The following CD38 variants were observed in gnomAD, a reference collection of about 807,000 sequenced individuals.
CD38 encodes the protein ADP-ribosyl cyclase/cyclic ADP-ribose hydrolase 1.
CD38 carries 31 observed loss-of-function variants against 36.3 expected under a neutral mutation model. The observed-to-expected ratio is 0.85, with a 90% CI of 0.64 to 1.15. The LOEUF (loss-of-function observed/expected upper bound fraction) is 1.15, where lower values mean the gene tolerates loss of function less well. Among genes scored for constraint, CD38 ranks in the 50% most tolerant of loss-of-function variants. The probability of loss-of-function intolerance (pLI) is 0.00; values close to 1 mark genes in which losing one functional copy is unlikely to be tolerated. For missense variants in CD38, 380 were observed against 371.9 expected, an observed-to-expected ratio of 1.02 and a Z score of -0.18; for synonymous variants, 131 against 135.2, an observed-to-expected ratio of 0.97 and a Z score of 0.22.
chr4:15,826,167 T>C (rs778563371), intron 3 of CD38: 1 of 152,008 alleles, frequency 6.6e-6, no homozygotes, highest in Non-Finnish European at 1.5e-5. Context: ...AAAAAGCAAA[T>C]GTCACTCTGA....
chr4:15,840,175 T>C, intron 6 of CD38, 57 bp downstream of exon 6: 1 of 1,266,618 alleles, frequency 7.9e-7, no homozygotes. Flanking sequence ...CACAAAAGAA[T>C]CCACAGTCAC....
chr4:15,780,511 C>A (rs1373009927), intron 1 of CD38, among the ~76,000 whole-genome samples: 1 of 122,102 alleles, frequency 8.2e-6, no homozygotes. Flanking sequence ...AGATAATATT[C>A]TCTCTCTCAC....
chr4:15,785,208 T>C (rs3796877), intron 1 of CD38, among the ~76,000 whole-genome samples: 3 of 151,698 alleles, frequency 2.0e-5, no homozygotes, highest in East Asian at 1.9e-4. Flanking sequence ...AAGGGTAGAG[T>C]GGAGTACTTA....
Position 15,839,499 on chromosome 4 carries a change from C to G in CD38, c.660-527C>G, listed in dbSNP as rs190583997. ...AGTGCAGTGACACGGTCTCCGCTCA[C>G]TGCAAGCTCAGCCTCCCAGGTTCAC... On this transcript the variant is annotated intron_variant, in intron 5 of 7. Transcript: ENST00000226279. Among the ~76,000 whole-genome samples, 310 of 146,868 alleles carry G rather than the reference C, an allele frequency of 2.1e-3. 3 individuals carry two copies. Among genetic ancestry groups the G allele is most frequent in the African/African-American group, 7.4e-3 (289 of 39,148 alleles).
intron 2 of CD38, among the ~76,000 whole-genome samples, chr4:15,818,410 T>G (rs1442128245): frequency 6.6e-6 from 1 of 152,180 alleles, no homozygotes; most frequent in East Asian, 1.9e-4. Flanking sequence ...TGGGCACAGC[T>G]TCAGTGGATT....
chr4:15,820,558 A>T (rs760021431), intron 2 of CD38, among the ~76,000 whole-genome samples: 29 of 152,220 alleles, frequency 1.9e-4, no homozygotes, highest in Non-Finnish European at 2.9e-4. Context: ...GACAAAACAG[A>T]CTTTAAACCA....
rs76113011 is a variant in CD38 at position 15,779,463 on chromosome 4, G to A, written c.233+816G>A. Among the ~76,000 whole-genome samples the A allele has an allele frequency of 7.2e-3, 1,095 of 152,308 alleles. 8 individuals carry two copies. Among genetic ancestry groups the A allele is most frequent in the Non-Finnish European group, 0.01 (708 of 68,020 alleles). ...TGATTCCCAGGCCTCGCTTTCACCG[G>A]GAAATTATCGTTGCTTGTAAAACAG... On this transcript the variant is annotated intron_variant, in intron 1 of 7. Coordinates refer to ENST00000226279, the MANE Select transcript of CD38 (RefSeq NM_001775.4).
At chr4:15,787,545 T>A (rs1722865194) in intron 1 of CD38, among the ~76,000 whole-genome samples, 1 of 152,232 alleles carries the variant, frequency 6.6e-6, no homozygotes, top group Non-Finnish European at 1.5e-5. Context: ...TCCTGAGGCT[T>A]CAGGGTCACT....
At chr4:15,792,437 T>TCAAAAAAAAAAAAAAAAAA (rs1723022040) in intron 1 of CD38, among the ~76,000 whole-genome samples, 1 of 134,954 alleles carries the variant, frequency 7.4e-6, no homozygotes, top group Non-Finnish European at 1.6e-5. Flanking sequence ...TAAAATAAAA[T>TCAAAAAAAAAAAAAAAAAA]AAAAAAAAGG....
chr4:15,787,835 C>T (rs949944036), intron 1 of CD38, among the ~76,000 whole-genome samples: 4 of 152,162 alleles, frequency 2.6e-5, no homozygotes, highest in Admixed American at 2.6e-4. Flanking sequence ...AGACATAATG[C>T]CGAAAGCCTG....
intron 7 of CD38, among the ~76,000 whole-genome samples, chr4:15,842,038 C>T (rs1202893265): frequency 2.8e-5 from 4 of 141,036 alleles, no homozygotes; most frequent in African/African-American, 1.1e-4. Flanking sequence ...CCAGGAAGCT[C>T]GAACTGGGTG....
chr4:15,816,985 A>G (rs1257681557), intron 2 of CD38, among the ~76,000 whole-genome samples: 1 of 152,198 alleles, frequency 6.6e-6, no homozygotes, highest in East Asian at 1.9e-4. Flanking sequence ...TATGATAATA[A>G]TAGTAGTAGT....
At chr4:15,831,556 C>G (rs959720819) in intron 3 of CD38, among the ~76,000 whole-genome samples, 2 of 151,536 alleles carry the variant, frequency 1.3e-5, no homozygotes, top group African/African-American at 2.4e-5. Flanking sequence ...ATATACTATT[C>G]TAGAGTAAAA....
rs6858536 is a variant in CD38 at position 15,852,797 on chromosome 4, G to A, written c.*4195G>A. 0.44 allele frequency: 65,375 copies of A among 149,288 alleles called. 14,586 individuals are homozygous for A. The highest frequency in any genetic ancestry group is 0.5 in the African/African-American group (19,968 of 40,240). 9.2% of individuals were successfully genotyped at this position (149,288 alleles called of 1,614,324 possible). A position where few individuals can be genotyped will look rare whatever the true frequency, so the allele number is the denominator to read the frequency against. ...AACAGGCTTTGAACTATTCCCTAAC[G>A]GGGCATTTATTCTTTTTTTTTTTTT... is the stretch of plus-strand genomic sequence containing the variant. On this transcript the variant is annotated 3_prime_UTR_variant, in exon 8 of 8. Transcript: ENST00000226279.
chr4:15,800,784 T>C (rs1000975379), intron 1 of CD38, among the ~76,000 whole-genome samples: 5 of 152,034 alleles, frequency 3.3e-5, no homozygotes, highest in African/African-American at 4.8e-5. Flanking sequence ...ATCTATGGAA[T>C]ACAGTAAAAG....
intron 1 of CD38, among the ~76,000 whole-genome samples, chr4:15,790,102 C>CCGCTCT (rs1722926314): frequency 2.1e-5 from 3 of 139,716 alleles, no homozygotes; most frequent in Non-Finnish European, 3.1e-5. Context: ...AAGCAGCAAG[C>CCGCTCT]CGCTCTCCCT....
chr4:15,833,509 G>A (rs949967220), intron 3 of CD38, among the ~76,000 whole-genome samples: 4 of 152,172 alleles, frequency 2.6e-5, no homozygotes, highest in African/African-American at 9.7e-5. Flanking sequence ...ACATGGGAAT[G>A]TTTCTTTTTT....
At chr4:15,834,133 A>G (rs1248957579) in intron 3 of CD38, 84 bp from the exon 4 acceptor site, 6 of 884,148 alleles carry the variant, frequency 6.8e-6, no homozygotes, top group Non-Finnish European at 9.5e-6. Context: ...AAATGGTTCC[A>G]CTATGACTGA....
chr4:15,825,102 G>A, intron 3 of CD38, 86 bp downstream of exon 3: 1 of 1,398,612 alleles, frequency 7.1e-7, no homozygotes, highest in Non-Finnish European at 9.8e-7. Context: ...TGATTAGTGT[G>A]GAGGACAGAG....
Sources: allele counts gnomAD v4.1 joint callset (sites outside exome capture counted in the v4.1 genomes callset), GRCh38; gene constraint gnomAD v4.1.1; transcripts MANE v1.5; gene names NCBI Gene and HGNC (gene_info 2026-07-23, HGNC 2026-07-21).